Variants in TMEM207 observed in about 807,000 individuals in gnomAD.
The protein encoded by TMEM207 is transmembrane protein 207.
In TMEM207, 15 loss-of-function variants were observed where a neutral mutation model predicts 17.4. That is an observed-to-expected ratio of 0.86 (90% CI 0.58 to 1.33). The LOEUF (loss-of-function observed/expected upper bound fraction) is 1.33, where lower values mean the gene tolerates loss of function less well. Ranked by LOEUF, TMEM207 falls within the 40% of genes most tolerant of loss-of-function variation. TMEM207 has a pLI of 0.00. For synonymous variants in TMEM207, 70 were observed against 65.6 expected (o/e 1.07, Z -0.33); for missense variants, 205 against 173.8 (o/e 1.18, Z -1.01).
intron 4 of TMEM207, among the ~76,000 whole-genome samples, chr3:190,437,874 T>C (rs1719837299): frequency 6.6e-6 from 1 of 150,614 alleles, no homozygotes. Flanking sequence ...ATAGACTGGA[T>C]TAAGAAAATG....
At chr3:190,440,806 A>C (rs548560402) in intron 3 of TMEM207, among the ~76,000 whole-genome samples, 38 of 152,212 alleles carry the variant, frequency 2.5e-4, no homozygotes, top group Middle Eastern at 3.4e-3. Context: ...CGGTGGCTCA[A>C]GCCTGTAATC....
chr3:190,443,454 A>G (rs1315187785), intron 2 of TMEM207, among the ~76,000 whole-genome samples: 3 of 152,108 alleles, frequency 2.0e-5, no homozygotes, highest in Admixed American at 1.3e-4. Context: ...ATAAGAAATA[A>G]CATGGCTAGG....
chr3:190,447,770 GT>G lies in TMEM207; in HGVS notation c.113+19del, dbSNP rs1452396562. 6.2e-7 allele frequency: 1 copy of G among 1,608,590 alleles called. No individual in the cohort carries two copies. Among genetic ancestry groups the G allele is most frequent in the African/African-American group, 1.3e-5 (1 of 74,682 alleles). On this transcript the variant is annotated intron_variant, in intron 2 of 4. Transcript: ENST00000354905. ...TTTAAATGCGAAATAAAAACATGGA[GT>G]TTTTCGCTGTTTACTTACATTTCAT... is the stretch of plus-strand genomic sequence containing the variant.
At chr3:190,440,913 C>CA (rs1468595982) in intron 3 of TMEM207, among the ~76,000 whole-genome samples, 2 of 152,052 alleles carry the variant, frequency 1.3e-5, no homozygotes, top group Non-Finnish European at 2.9e-5. Context: ...CTAAAAAATA[C>CA]AAAAAATTAG....
intron 2 of TMEM207, among the ~76,000 whole-genome samples, chr3:190,443,061 A>G (rs1719967077): frequency 6.6e-6 from 1 of 152,164 alleles, no homozygotes; most frequent in Admixed American, 6.5e-5. Flanking sequence ...ATATTGTATT[A>G]AAAAATTAAA....
intron 4 of TMEM207, among the ~76,000 whole-genome samples, chr3:190,438,069 A>T (rs1472780555): frequency 8.4e-6 from 1 of 119,470 alleles, no homozygotes; most frequent in Admixed American, 1.1e-4. Context: ...GGACACAGGA[A>T]GGGGAACATC....
chr3:190,433,737 T>C (rs1719740754), intron 4 of TMEM207, among the ~76,000 whole-genome samples: 1 of 152,182 alleles, frequency 6.6e-6, no homozygotes, highest in Non-Finnish European at 1.5e-5. Context: ...ATGATTTGGA[T>C]CTGTGTCCCC....
chr3:190,433,638 G>GA (rs1476806040), intron 4 of TMEM207, among the ~76,000 whole-genome samples: 8 of 152,036 alleles, frequency 5.3e-5, no homozygotes, highest in Admixed American at 3.3e-4. Flanking sequence ...ACATTCCTTT[G>GA]AAAAAATCAC....
At chr3:190,442,084 A>C (rs181051683) in intron 2 of TMEM207, among the ~76,000 whole-genome samples, 1 of 152,302 alleles carries the variant, frequency 6.6e-6, no homozygotes, top group African/African-American at 2.4e-5. Flanking sequence ...GTCTAGCCAC[A>C]ATTCAATCTT....
At chr3:190,449,609 G>T in intron 1 of TMEM207, 126 bp downstream of exon 1, 1 of 823,572 alleles carries the variant, frequency 1.2e-6, no homozygotes, top group Non-Finnish European at 2.0e-6. Flanking sequence ...TGCTAGTAAA[G>T]CTTGAAGGAA....
At chr3:190,439,381 G>A (rs1719880836) in intron 4 of TMEM207, among the ~76,000 whole-genome samples, 1 of 152,086 alleles carries the variant, frequency 6.6e-6, no homozygotes, top group African/African-American at 2.4e-5. Context: ...GGCACACCCT[G>A]CTCCATCTAT....
At chr3:190,438,690 A>G (rs1315434874) in intron 4 of TMEM207, among the ~76,000 whole-genome samples, 1 of 152,238 alleles carries the variant, frequency 6.6e-6, no homozygotes, top group Admixed American at 6.5e-5. Context: ...ACTTAAGTTC[A>G]GATAAAAGAA....
chr3:190,429,673 G>C lies in TMEM207; in HGVS notation c.363C>G (p.Asp121Glu). 6.2e-7 allele frequency: 1 copy of C among 1,613,210 alleles called. No homozygotes were observed. Among genetic ancestry groups the C allele is most frequent in the Non-Finnish European group, 8.5e-7 (1 of 1,179,544 alleles). Residue 121 changes from aspartate to glutamate, a missense_variant, in exon 5 of 5, where the codon GAC (aspartate) becomes GAG (glutamate). Transcript: ENST00000354905. ...VGIHLQTQTP[D>E]LYPVPAPCFG... ...AACATGGAGCAGGAACAGGATATAG[G>C]TCAGGGGTTTGAGTTTGAAGGTGAA...
At chr3:190,431,087 T>A (rs1289083697) in intron 4 of TMEM207, among the ~76,000 whole-genome samples, 3 of 152,188 alleles carry the variant, frequency 2.0e-5, no homozygotes, top group African/African-American at 7.2e-5. Context: ...CAAAGACTAA[T>A]AAGTCAAGTA....
intron 4 of TMEM207, among the ~76,000 whole-genome samples, chr3:190,430,289 A>G (rs2108530495): frequency 6.6e-6 from 1 of 152,164 alleles, no homozygotes; most frequent in South Asian, 2.1e-4. Context: ...TGGAAATCAA[A>G]GTTCTTGACT....
intron 2 of TMEM207, among the ~76,000 whole-genome samples, chr3:190,444,873 AAAAGTCATTCCTCAAC>A (rs1344563935): frequency 6.6e-6 from 1 of 152,146 alleles, no homozygotes; most frequent in East Asian, 1.9e-4. Flanking sequence ...TTTATTTTTA[AAAAGTCATTCCTCAAC>A]ATAGGCCAAA....
At chr3:190,432,952 C>T (rs577641038) in intron 4 of TMEM207, among the ~76,000 whole-genome samples, 51 of 152,278 alleles carry the variant, frequency 3.3e-4, no homozygotes, top group African/African-American at 1.2e-3. Flanking sequence ...ACCTTGCAAT[C>T]AGCTCAGGAA....
chr3:190,445,818 C>A (rs908229257), intron 2 of TMEM207, among the ~76,000 whole-genome samples: 2 of 152,202 alleles, frequency 1.3e-5, no homozygotes, highest in African/African-American at 4.8e-5. Flanking sequence ...AGCCACTGCG[C>A]CCGGTCGACC....
intron 2 of TMEM207, among the ~76,000 whole-genome samples, chr3:190,444,191 T>C (rs1719996375): frequency 6.6e-6 from 1 of 152,202 alleles, no homozygotes; most frequent in South Asian, 2.1e-4. Flanking sequence ...GATGCGTAAC[T>C]TCATGTGAAA....
Sources: gnomAD v4.1 joint callset for allele counts (sites outside exome capture counted in the v4.1 genomes callset) on GRCh38, gnomAD v4.1.1 for gene constraint, MANE v1.5 for transcripts, NCBI Gene and HGNC (gene_info 2026-07-23, HGNC 2026-07-21) for gene names.